MTMR7: variants seen among roughly 807,000 people sequenced by gnomAD.
MTMR7 encodes phosphatidylinositol-3-phosphate phosphatase MTMR7.
MTMR7 carries 76 observed loss-of-function variants against 81.2 expected under a neutral mutation model. The observed-to-expected ratio is 0.94, with a 90% CI of 0.78 to 1.13. The LOEUF (loss-of-function observed/expected upper bound fraction) is 1.13, where lower values mean the gene tolerates loss of function less well. Ranked by LOEUF, MTMR7 falls within the 50% of genes most tolerant of loss-of-function variation. The pLI is 0.00. For missense variants in MTMR7, 1,044 were observed against 820.0 expected, an observed-to-expected ratio of 1.27 and a Z score of -3.34; for synonymous variants, 372 against 289.8, an observed-to-expected ratio of 1.28 and a Z score of -2.88.
intron 7 of MTMR7, 95 bp from the exon 8 acceptor site, chr8:17,313,496 GTTGTA>G: frequency 1.3e-6 from 1 of 745,886 alleles, no homozygotes; most frequent in Non-Finnish European, 2.2e-6. Flanking sequence ...TGATTCCTTT[GTTGTA>G]TTAGGTATTT....
At chr8:17,408,611 G>C (rs943061902) in intron 1 of MTMR7, among the ~76,000 whole-genome samples, 7 of 151,966 alleles carry the variant, frequency 4.6e-5, no homozygotes, top group Non-Finnish European at 1.0e-4. Flanking sequence ...TTCTGCTCTT[G>C]GATAAGACAA....
At chr8:17,327,086 T>A (rs577608948) in intron 7 of MTMR7, among the ~76,000 whole-genome samples, 7 of 152,336 alleles carry the variant, frequency 4.6e-5, no homozygotes, top group Non-Finnish European at 8.8e-5. Flanking sequence ...ATTTTTTGCT[T>A]ACATTATACA....
intron 9 of MTMR7, 130 bp from the exon 10 acceptor site, chr8:17,309,456 G>C: frequency 1.5e-6 from 1 of 689,468 alleles, no homozygotes. Context: ...GCAAATGCAT[G>C]AACAGGCATT....
intron 7 of MTMR7, among the ~76,000 whole-genome samples, chr8:17,319,628 C>T (rs1297102140): frequency 6.6e-6 from 1 of 152,168 alleles, no homozygotes; most frequent in Non-Finnish European, 1.5e-5. Flanking sequence ...TTAGCTTTAG[C>T]TTTTCAATCC....
At position 17,413,344 on chromosome 8, in the gene MTMR7, G is replaced by A. The variant is rs890141081; in HGVS notation, c.-52C>T. The A allele has an allele frequency of 2.7e-6, 4 of 1,501,974 alleles. No homozygotes were observed. The highest frequency in any genetic ancestry group is 1.3e-5 in the South Asian group (1 of 78,872). The allele number at this position is 1,501,974 out of a possible 1,614,324, so 93.0% of individuals were successfully genotyped here. A position where few individuals can be genotyped will look rare whatever the true frequency, so the allele number is the denominator to read the frequency against. ...GGCGGGCGCGGCCTCACGCACCTGC[G>A]CGCCTCTGCGGCGCGATGGGAGGGG... On this transcript the variant is annotated 5_prime_UTR_variant, in exon 1 of 14. Transcript: ENST00000180173.
chr8:17,341,371 G>T lies in MTMR7; in HGVS notation c.724C>A (p.Arg242=). The T allele has an allele frequency of 6.2e-7, 1 of 1,614,020 alleles. No homozygotes were observed. The highest frequency in any genetic ancestry group is 8.5e-7 in the Non-Finnish European group (1 of 1,179,940). Residue 242 remains arginine (R), a synonymous_variant, in exon 6 of 14, where the codon CGG becomes AGG. Coordinates refer to ENST00000180173, the MANE Select transcript of MTMR7 (RefSeq NM_004686.5). ...GSDFVYVVDT[R]PKLNAMANRA... ...GCAACGGTGACACTTACTTTAGGCC[G>T]GGTGTCAACGACATAAACGAAGTCA...
At chr8:17,405,774 T>C (rs1166691070) in intron 1 of MTMR7, among the ~76,000 whole-genome samples, 1 of 151,640 alleles carries the variant, frequency 6.6e-6, no homozygotes, top group Non-Finnish European at 1.5e-5. Flanking sequence ...TTCAGAAGGT[T>C]TAATAAAATG....
At chr8:17,401,951 GACAAT>G (rs1821441108) in intron 1 of MTMR7, among the ~76,000 whole-genome samples, 1 of 152,096 alleles carries the variant, frequency 6.6e-6, no homozygotes, top group Non-Finnish European at 1.5e-5. Context: ...ACTATGGAAT[GACAAT>G]ACAAAACATA....
chr8:17,331,310 C>T (rs758626279), intron 6 of MTMR7, 28 bp from the exon 7 acceptor site: 2 of 1,553,874 alleles, frequency 1.3e-6, no homozygotes, highest in South Asian at 1.2e-5. Flanking sequence ...ACAGAACAGT[C>T]ATCAATTACA....
intron 10 of MTMR7, among the ~76,000 whole-genome samples, chr8:17,307,540 A>G (rs1586147087): frequency 1.3e-5 from 2 of 152,330 alleles, no homozygotes; most frequent in Admixed American, 6.5e-5. Flanking sequence ...TACTGGGTAT[A>G]TACCCAAAGG....
chr8:17,383,610 C>T (rs554896173), intron 1 of MTMR7, among the ~76,000 whole-genome samples: 22 of 152,368 alleles, frequency 1.4e-4, no homozygotes, highest in African/African-American at 5.3e-4. Context: ...TCAACAGTCT[C>T]TCCTCCATCG....
At chr8:17,388,046 G>A (rs563292587) in intron 1 of MTMR7, among the ~76,000 whole-genome samples, 1 of 152,268 alleles carries the variant, frequency 6.6e-6, no homozygotes, top group African/African-American at 2.4e-5. Context: ...GAAATTCTTA[G>A]AAAAGGCAGA....
chr8:17,342,633 G>A (rs1819437879), intron 5 of MTMR7, among the ~76,000 whole-genome samples: 1 of 152,160 alleles, frequency 6.6e-6, no homozygotes, highest in South Asian at 2.1e-4. Context: ...CACTAGCTCT[G>A]AAGTTGGAGA....
In MTMR7 at chr8:17,338,534, C is replaced by A. The variant is rs192585716; in HGVS notation, c.732+2829G>T. Among the ~76,000 whole-genome samples, 640 of 152,282 alleles carry A rather than the reference C, an allele frequency of 4.2e-3. 2 individuals carry two copies. The highest frequency in any genetic ancestry group is 6.7e-3 in the Admixed American group (102 of 15,298). On this transcript the variant is annotated intron_variant, in intron 6 of 13. Coordinates refer to ENST00000180173, the MANE Select transcript of MTMR7 (RefSeq NM_004686.5). ...TCTAAGCAGCTAATCATTAAATCAT[C>A]TGTAACTATTAGGAAATTCAAAACA...
At chr8:17,314,605 A>G (rs763318635) in intron 7 of MTMR7, among the ~76,000 whole-genome samples, 6 of 152,246 alleles carry the variant, frequency 3.9e-5, no homozygotes, top group Non-Finnish European at 8.8e-5. Flanking sequence ...TTCCTGCAGC[A>G]TAAAAGCCAC....
chr8:17,334,454 A>T (rs1425440068), intron 6 of MTMR7, among the ~76,000 whole-genome samples: 1 of 152,240 alleles, frequency 6.6e-6, no homozygotes. Context: ...TCAAGTAGAT[A>T]AAGCAATAAA....
chr8:17,332,559 G>A (rs1414493044), intron 6 of MTMR7, among the ~76,000 whole-genome samples: 1 of 152,200 alleles, frequency 6.6e-6, no homozygotes, highest in African/African-American at 2.4e-5. Flanking sequence ...GAGCCCATTG[G>A]AAGTTGAAAA....
At position 17,331,214 on chromosome 8, in the gene MTMR7, C is replaced by A. The variant is rs748806576; in HGVS notation, c.801G>T (p.Lys267Asn). The A allele has an allele frequency of 6.2e-7, 1 of 1,612,750 alleles. No individual in the cohort carries two copies. The highest frequency in any genetic ancestry group is 1.1e-5 in the South Asian group (1 of 90,760). Residue 267 changes from lysine (K) to asparagine (N), a missense_variant, in exon 7 of 14, where the codon AAG (lysine) becomes AAT (asparagine). Transcript: ENST00000180173. ...TGTTCTCTATCCCGATAAACTGAAA[C>A]TTGATATTGGAATAATTGTCTTCAT... is the stretch of plus-strand genomic sequence containing the variant. ...YENEDNYSNI[K>N]FQFIGIENIH...
chr8:17,340,294 C>T (rs1335623021), intron 6 of MTMR7, among the ~76,000 whole-genome samples: 1 of 152,240 alleles, frequency 6.6e-6, no homozygotes, highest in African/African-American at 2.4e-5. Flanking sequence ...CTCTATCCCA[C>T]TCTTGTTGCC....
Sources: gnomAD v4.1 joint callset for allele counts (sites outside exome capture counted in the v4.1 genomes callset) on GRCh38, gnomAD v4.1.1 for gene constraint, MANE v1.5 for transcripts, NCBI Gene and HGNC (gene_info 2026-07-23, HGNC 2026-07-21) for gene names.